The following EML5 variants were observed in gnomAD, a reference collection of about 807,000 sequenced individuals.
The protein encoded by EML5 is echinoderm microtubule-associated protein-like 5.
In EML5, 120 loss-of-function variants were observed where a neutral mutation model predicts 250.0. The observed-to-expected ratio is 0.48, with a 90% CI of 0.41 to 0.56. The LOEUF (loss-of-function observed/expected upper bound fraction) is 0.56. Among genes scored for constraint, EML5 ranks in the 20% least tolerant of loss-of-function variants. The probability of loss-of-function intolerance (pLI) is 0.00; values close to 1 mark genes in which losing one functional copy is unlikely to be tolerated. For synonymous variants in EML5, 771 were observed against 806.5 expected (o/e 0.96, Z 0.75); for missense variants, 2,006 against 2,437.6 (o/e 0.82, Z 3.73).
chr14:88,720,558 C>G (rs569191737), intron 8 of EML5, among the ~76,000 whole-genome samples: 9 of 152,212 alleles, frequency 5.9e-5, no homozygotes, highest in African/African-American at 2.2e-4. Flanking sequence ...GCAGAAAACG[C>G]CTTTGATAAA....
In EML5 at chr14:88,618,636, T is replaced by C; in HGVS notation, c.5538+14A>G. 1 of 1,610,530 alleles carries C rather than the reference T, an allele frequency of 6.2e-7. No individual in the cohort carries two copies. The highest frequency in any genetic ancestry group is 1.1e-5 in the South Asian group (1 of 90,172). The stretch of plus-strand genomic sequence containing the variant: ...AAGAACTTGCCACCTGGGTATACAG[T>C]ATTGGTACTGTACCTGGAGATAACT... On this transcript the variant is annotated intron_variant, in intron 40 of 43. Coordinates refer to ENST00000554922, the MANE Select transcript of EML5 (RefSeq NM_183387.3).
intron 2 of EML5, among the ~76,000 whole-genome samples, chr14:88,747,692 CG>C (rs2094027150): frequency 6.6e-6 from 1 of 151,956 alleles, no homozygotes; most frequent in South Asian, 2.1e-4. Context: ...AAGAAGCAAA[CG>C]GAACTTCCAG....
chr14:88,719,672 G>A (rs1170141121), intron 8 of EML5, among the ~76,000 whole-genome samples: 1 of 150,724 alleles, frequency 6.6e-6, no homozygotes, highest in Non-Finnish European at 1.5e-5. Flanking sequence ...TATGATATGA[G>A]CTTTTTTTTT....
Position 88,688,422 on chromosome 14 carries a change from T to C in EML5, c.2591A>G (p.Asp864Gly). 1 of 1,614,044 alleles carries C rather than the reference T, an allele frequency of 6.2e-7. No homozygotes were observed. The highest frequency in any genetic ancestry group is 1.1e-5 in the South Asian group (1 of 91,090). Residue 864 changes from aspartate (D) to glycine (G), a missense_variant, in exon 18 of 44, where the codon GAC becomes GGC. Transcript: ENST00000554922. ...KGYIGTLGKN[D>G]TMMCAVYGWT... ...TCCATACACTGCACACATCATTGTG[T>C]CATTTTTCCCCAGTGTGCCTATGTA...
intron 25 of EML5, among the ~76,000 whole-genome samples, chr14:88,659,133 T>TA (rs1567077097): frequency 6.6e-6 from 1 of 152,194 alleles, no homozygotes; most frequent in African/African-American, 2.4e-5. Context: ...CAAAGCATCA[T>TA]AAAGCAGGTT....
At position 88,696,840 on chromosome 14, in the gene EML5, G is replaced by T. The variant is rs755433517; in HGVS notation, c.2344+7C>A. 13 of 1,591,716 alleles carry T rather than the reference G, an allele frequency of 8.2e-6. No individual in the cohort carries two copies. The highest frequency in any genetic ancestry group is 6.8e-6 in the Non-Finnish European group (8 of 1,169,148). Reference sequence around the variant, plus strand: ...TTAATTCTTACTGAGACAGCAAACAGCCTTACCTGAGAAATCAACGGCACT... The same window carrying T: ...TTAATTCTTACTGAGACAGCAAACATCCTTACCTGAGAAATCAACGGCACT... On this transcript the variant is annotated splice_region_variant and intron_variant, in intron 15 of 43. Transcript: ENST00000554922.
intron 3 of EML5, 138 bp from the exon 4 acceptor site, chr14:88,744,229 C>CA: frequency 4.4e-6 from 2 of 453,320 alleles, no homozygotes. Flanking sequence ...TCCCACACTT[C>CA]AAAATCTTAT....
chr14:88,715,867 C>T (rs1420938150), intron 8 of EML5, among the ~76,000 whole-genome samples: 1 of 151,976 alleles, frequency 6.6e-6, no homozygotes, highest in Non-Finnish European at 1.5e-5. Context: ...ACATTCCTCC[C>T]TTAGGGACCA....
chr14:88,665,628 AC>A, intron 21 of EML5, 139 bp from the exon 22 acceptor site: 2 of 1,096,132 alleles, frequency 1.8e-6, no homozygotes, highest in Non-Finnish European at 2.6e-6. Flanking sequence ...GGAGGTTAAG[AC>A]CAGCCCGGGC....
At chr14:88,621,726 CTT>C (rs929353269) in intron 37 of EML5, 4 of 303,698 alleles carry the variant, frequency 1.3e-5, no homozygotes, top group Admixed American at 8.0e-5. Flanking sequence ...TATAAATACA[CTT>C]AATAAGTACA....
intron 8 of EML5, among the ~76,000 whole-genome samples, chr14:88,724,789 C>T (rs369169476): frequency 2.0e-5 from 3 of 152,036 alleles, no homozygotes; most frequent in East Asian, 1.9e-4. Context: ...TTATTTCTAA[C>T]CTGCAAAACT....
At chr14:88,663,267 T>C in intron 23 of EML5, 148 bp from the exon 24 acceptor site, 1 of 467,558 alleles carries the variant, frequency 2.1e-6, no homozygotes. Context: ...AAGAACATTT[T>C]ATTTTTATAA....
At chr14:88,768,017 CTTTCA>C (rs1254762132) in intron 1 of EML5, among the ~76,000 whole-genome samples, 1 of 152,134 alleles carries the variant, frequency 6.6e-6, no homozygotes, top group Non-Finnish European at 1.5e-5. Flanking sequence ...CTTTCCTTTC[CTTTCA>C]TAACCTGGGA....
At chr14:88,621,562 A>C (rs1268131858) in intron 37 of EML5, 5 of 492,044 alleles carry the variant, frequency 1.0e-5, no homozygotes, top group Non-Finnish European at 1.8e-5. Flanking sequence ...TGGATTCTTC[A>C]ATAATCAAAG....
At chr14:88,720,727 G>A (rs1383566876) in intron 8 of EML5, among the ~76,000 whole-genome samples, 3 of 152,156 alleles carry the variant, frequency 2.0e-5, no homozygotes, top group African/African-American at 7.2e-5. Flanking sequence ...AGACAAGGAT[G>A]TCCTCTCTTC....
At chr14:88,723,652 T>G (rs1465092574) in intron 8 of EML5, among the ~76,000 whole-genome samples, 1 of 152,216 alleles carries the variant, frequency 6.6e-6, no homozygotes, top group Non-Finnish European at 1.5e-5. Context: ...GTTAACTAGC[T>G]TGATGTAATC....
At chr14:88,627,234 C>T (rs190325342) in intron 34 of EML5, 188 bp from the exon 35 acceptor site, 29 of 607,416 alleles carry the variant, frequency 4.8e-5, no homozygotes, top group Admixed American at 2.1e-4. Flanking sequence ...CACTTATCTT[C>T]GCTCCATTAA....
chr14:88,758,450 C>CT, intron 1 of EML5, among the ~76,000 whole-genome samples: 1 of 152,120 alleles, frequency 6.6e-6, no homozygotes, highest in African/African-American at 2.4e-5. Context: ...CTGCCTTGGC[C>CT]TCCCAAAATG....
At chr14:88,662,968 G>A (rs1186486930) in intron 24 of EML5, 63 bp downstream of exon 24, 1 of 1,165,800 alleles carries the variant, frequency 8.6e-7, no homozygotes, top group African/African-American at 1.6e-5. Context: ...TAGAAAGTAG[G>A]TATCAGTTTT....
Sources: gnomAD v4.1 joint callset for allele counts (sites outside exome capture counted in the v4.1 genomes callset) on GRCh38, gnomAD v4.1.1 for gene constraint, MANE v1.5 for transcripts, NCBI Gene and HGNC (gene_info 2026-07-23, HGNC 2026-07-21) for gene names.